The following PCM1 variants were observed in gnomAD, a reference collection of about 807,000 sequenced individuals.
PCM1 encodes the protein pericentriolar material 1 protein.
In PCM1, 157 loss-of-function variants were observed where a neutral mutation model predicts 241.9. That is an observed-to-expected ratio of 0.65 (90% CI 0.57 to 0.74). The LOEUF is 0.74. Ranked by LOEUF, PCM1 falls within the 30% of genes least tolerant of loss-of-function variation. PCM1 has a pLI of 0.00. For synonymous variants in PCM1, 1,085 were observed against 784.9 expected (o/e 1.38, Z -6.39); for missense variants, 3,478 against 2,360.1 (o/e 1.47, Z -9.81).
intron 30 of PCM1, among the ~76,000 whole-genome samples, chr8:18,006,658 A>C (rs1434885841): frequency 6.6e-6 from 1 of 152,136 alleles, no homozygotes; most frequent in East Asian, 1.9e-4. Flanking sequence ...GGTTTGGTTT[A>C]TCTTCTCACT....
At chr8:18,008,414 A>G (rs2091898566) in intron 30 of PCM1, among the ~76,000 whole-genome samples, 1 of 151,942 alleles carries the variant, frequency 6.6e-6, no homozygotes. Flanking sequence ...CATTATGGTG[A>G]GTTGTATAAT....
chr8:17,981,451 G>GTTTGTCACTTT (rs1177885309), intron 24 of PCM1, among the ~76,000 whole-genome samples: 4 of 151,958 alleles, frequency 2.6e-5, no homozygotes, highest in Non-Finnish European at 5.9e-5. Context: ...GTATTTCCCT[G>GTTTGTCACTTT]TTTGTCACTT....
Position 18,027,997 on chromosome 8 carries a change from A to C in PCM1, c.*335A>C. The C allele has an allele frequency of 3.9e-6, 1 of 256,004 alleles. No individual in the cohort carries two copies. Among genetic ancestry groups the C allele is most frequent in the Non-Finnish European group, 7.4e-6 (1 of 134,402 alleles). 15.9% of individuals were successfully genotyped at this position (256,004 alleles called of 1,614,324 possible). A position where few individuals can be genotyped will look rare whatever the true frequency, so the allele number is the denominator to read the frequency against. On this transcript the variant is annotated 3_prime_UTR_variant, in exon 39 of 39. Coordinates refer to ENST00000325083, the MANE Select transcript of PCM1 (RefSeq NM_006197.4). ...AGTATCTTTTTTGGAAATTATATTG[A>C]ATTCTATACAGCAAGTCAATGTTTT...
rs185017374 is a variant in PCM1 at position 17,995,937 on chromosome 8, T to C, written c.4827+2318T>C. 3.1e-3 allele frequency among the ~76,000 whole-genome samples: 479 copies of C among 152,280 alleles called. 4 individuals carry two copies. The highest frequency in any genetic ancestry group is 9.4e-3 in the Admixed American group (143 of 15,286). ...GTTCTAATAGTATTCTTGTGGAGTC[T>C]TTAGGCTTTTCCAAGTATAAGATTA... is the stretch of plus-strand genomic sequence containing the variant. On this transcript the variant is annotated intron_variant, in intron 29 of 38. Coordinates refer to ENST00000325083, the MANE Select transcript of PCM1 (RefSeq NM_006197.4).
At position 18,011,665 on chromosome 8, in the gene PCM1, A is replaced by C. The variant is rs1415971157; in HGVS notation, c.5351-2A>C. On this transcript the variant is annotated splice_acceptor_variant, in intron 33 of 38. Coordinates refer to ENST00000325083, the MANE Select transcript of PCM1 (RefSeq NM_006197.4). LOFTEE classifies it high-confidence loss of function. ...CTAAAAATTGTGTATTAATCAACTT[A>C]GATTTGTCTAAAGCTGAAACTCAGG... The C allele has an allele frequency of 1.2e-6, 2 of 1,601,342 alleles. No homozygotes were observed. The highest frequency in any genetic ancestry group is 2.3e-5 in the South Asian group (2 of 88,370).
At chr8:18,014,174 T>C in intron 35 of PCM1, 138 bp downstream of exon 35, 2 of 601,520 alleles carry the variant, frequency 3.3e-6, no homozygotes, top group Non-Finnish European at 5.8e-6. Flanking sequence ...TATGTTTTTC[T>C]TCTCCCTATA....
intron 36 of PCM1, among the ~76,000 whole-genome samples, chr8:18,019,449 A>G (rs1371624936): frequency 6.6e-6 from 1 of 152,122 alleles, no homozygotes; most frequent in Non-Finnish European, 1.5e-5. Flanking sequence ...TTTTATTTCT[A>G]TTATTATTAC....
intron 29 of PCM1, among the ~76,000 whole-genome samples, chr8:18,004,192 A>G (rs1420269085): frequency 1.3e-5 from 2 of 152,208 alleles, no homozygotes; most frequent in Non-Finnish European, 2.9e-5. Context: ...CTGTTATACA[A>G]TAAAATATTT....
rs1444111254 is a variant in PCM1 at position 17,940,287 on chromosome 8, T to C, written c.783+426T>C. On this transcript the variant is annotated intron_variant, in intron 6 of 38. Coordinates refer to ENST00000325083, the MANE Select transcript of PCM1 (RefSeq NM_006197.4). ...TTCCAGGGAAGAACCCCTCAAATTG[T>C]TAATGCTGTATGTGTTCTTCTGTAT... is the stretch of plus-strand genomic sequence containing the variant. 4.2e-5 allele frequency: 24 copies of C among 573,124 alleles called. 1 individual carries two copies. The East Asian group carries it at 6.7e-4, about 16-fold the overall frequency. The allele number at this position is 573,124 out of a possible 1,614,324, so 35.5% of individuals were successfully genotyped here.
At chr8:18,020,752 G>C (rs1564442053) in intron 36 of PCM1, among the ~76,000 whole-genome samples, 1 of 152,170 alleles carries the variant, frequency 6.6e-6, no homozygotes, top group African/African-American at 2.4e-5. Context: ...CGTGATCTAA[G>C]ACTTAACCAT....
In PCM1 at chr8:17,956,670, G is replaced by A. The variant is rs758807382; in HGVS notation, c.1539G>A (p.Thr513=). The A allele has an allele frequency of 8.1e-6, 13 of 1,601,538 alleles. No homozygotes were observed. Among genetic ancestry groups the A allele is most frequent in the South Asian group, 1.1e-5 (1 of 89,794 alleles). ...AATTAGTTCATTATTATGAACAAACGTCAGACATGATGACAGATGCTGTGA... is the reference window on the plus strand; with the variant it reads ...AATTAGTTCATTATTATGAACAAACATCAGACATGATGACAGATGCTGTGA... ...LRELVHYYEQ[T]SDMMTDAVNE... is the part of the protein sequence containing the mutation. The change falls in exon 11 of 39, where the codon ACG becomes ACA. Residue 513 remains threonine, a synonymous_variant. Transcript: ENST00000325083.
Position 17,972,462 on chromosome 8 carries a change from C to G in PCM1, c.3718C>G (p.Arg1240Gly), listed in dbSNP as rs1344364331. The change falls in exon 23 of 39, where the codon CGC becomes GGC. Residue 1240 changes from arginine (R) to glycine (G), a missense_variant. Physicochemically the swap from Arg to Gly is moderately radical, Grantham distance 125 (BLOSUM62 -2). Transcript: ENST00000325083. ...TGTAGAAAAATCTACAAGTAGTAAC[C>G]GCAAAAATCAATTAGATACAAACGG... ...VSVEKSTSSN[R>G]KNQLDTNGRR... 1.2e-6 allele frequency: 2 copies of G among 1,613,284 alleles called. No individual in the cohort carries two copies. Among genetic ancestry groups the G allele is most frequent in the Non-Finnish European group, 1.7e-6 (2 of 1,179,654 alleles).
rs746573070 is a variant in PCM1 at position 17,991,596 on chromosome 8, G to T, written c.4586G>T (p.Arg1529Leu). ...TTAGCCAGAATGAGAGAATATGAGC[G>T]TATGAAGACTGAGGCTGAAAGTAAC... ...QALARMREYE[R>L]MKTEAESNSN... The change falls in exon 28 of 39, where the codon CGT (arginine) becomes CTT (leucine). Residue 1529 changes from arginine to leucine, a missense_variant. Transcript: ENST00000325083. 20 of 1,597,004 alleles carry T rather than the reference G, an allele frequency of 1.3e-5. No individual in the cohort carries two copies. In the African/African-American group the frequency reaches 2.7e-4, roughly 21 times the overall value.
At chr8:17,951,861 A>G (rs1399293249) in intron 8 of PCM1, among the ~76,000 whole-genome samples, 1 of 152,150 alleles carries the variant, frequency 6.6e-6, no homozygotes, top group Non-Finnish European at 1.5e-5. Flanking sequence ...ACTAAGCATA[A>G]TGGGAGATAT....
At chr8:17,948,841 A>C (rs966163914) in intron 7 of PCM1, among the ~76,000 whole-genome samples, 6 of 152,204 alleles carry the variant, frequency 3.9e-5, no homozygotes, top group African/African-American at 1.2e-4. Context: ...TCAGATTTAA[A>C]AGCTTTCCTT....
In PCM1 at chr8:17,972,332, TAAA is replaced by T; in HGVS notation, c.3592_3594del (p.Lys1198del). The T allele has an allele frequency of 6.7e-7, 1 of 1,491,182 alleles. No individual in the cohort carries two copies. The highest frequency in any genetic ancestry group is 8.9e-7 in the Non-Finnish European group (1 of 1,120,214). The allele number at this position is 1,491,182 out of a possible 1,614,324, so 92.4% of individuals were successfully genotyped here. A position where few individuals can be genotyped will look rare whatever the true frequency, so the allele number is the denominator to read the frequency against. On this transcript the variant is annotated inframe_deletion, in exon 23 of 39. Transcript: ENST00000325083. ...AAAACTTGTTTTCATTGGTAAGGAA[TAAA>T]AAACTGCCTGAAGAGGAGGTGGAAA...
intron 18 of PCM1, 43 bp downstream of exon 18, chr8:17,964,811 C>G: frequency 6.7e-7 from 1 of 1,483,838 alleles, no homozygotes; most frequent in Non-Finnish European, 9.4e-7. Flanking sequence ...TTAAGAGGCT[C>G]AGGTCTTTTT....
chr8:17,964,655 G>C lies in PCM1; in HGVS notation c.2742G>C (p.Arg914=), dbSNP rs767336875. 6.2e-7 allele frequency: 1 copy of C among 1,613,896 alleles called. No homozygotes were observed. Among genetic ancestry groups the C allele is most frequent in the East Asian group, 2.2e-5 (1 of 44,878 alleles). Residue 914 remains arginine, a synonymous_variant, in exon 18 of 39, where the codon CGG becomes CGC. Coordinates refer to ENST00000325083, the MANE Select transcript of PCM1 (RefSeq NM_006197.4). ...GTTACCTTTCTGAAGGAATTGTTCGGACAGATGAAGAGGAGGAAGAAGAGC... is the reference window on the plus strand; with the variant it reads ...GTTACCTTTCTGAAGGAATTGTTCGCACAGATGAAGAGGAGGAAGAAGAGC... The part of the protein sequence containing the change: ...EDGYLSEGIV[R]TDEEEEEEQD...
At position 18,028,874 on chromosome 8, in the gene PCM1, A is replaced by C. The variant is rs1301814888; in HGVS notation, c.*1212A>C. 5.5e-6 allele frequency: 1 copy of C among 183,416 alleles called. No homozygotes were observed. Among genetic ancestry groups the C allele is most frequent in the East Asian group, 8.8e-5 (1 of 11,340 alleles). The allele number at this position is 183,416 out of a possible 1,614,324, so 11.4% of individuals were successfully genotyped here. ...TCTTTAAAATGGTTACTTGCTGCCC[A>C]GGCACCATGGCTCACTCCTGTAATC... On this transcript the variant is annotated 3_prime_UTR_variant, in exon 39 of 39. Transcript: ENST00000325083.
Sources: gnomAD v4.1 joint callset for allele counts (sites outside exome capture counted in the v4.1 genomes callset) on GRCh38, gnomAD v4.1.1 for gene constraint, MANE v1.5 for transcripts, NCBI Gene and HGNC (gene_info 2026-07-23, HGNC 2026-07-21) for gene names.